GYS2: variants seen among roughly 807,000 people sequenced by gnomAD.
GYS2 encodes the protein glycogen synthase 2.
Under a neutral mutation model 85.6 loss-of-function variants are expected in GYS2, and 80 were observed. The observed-to-expected ratio is 0.93, with a 90% confidence interval of 0.78 to 1.13. GYS2 has a LOEUF of 1.13. Among genes scored for constraint, GYS2 ranks in the 50% most tolerant of loss-of-function variants. The pLI, the probability that GYS2 is intolerant of heterozygous loss-of-function variation, is 0.00. For missense variants in GYS2, 881 were observed against 854.9 expected (o/e 1.03, Z -0.38); for synonymous variants, 328 against 300.7 (o/e 1.09, Z -0.94).
At chr12:21,553,795 T>A (rs1355573704) in intron 11 of GYS2, among the ~76,000 whole-genome samples, 2 of 42,498 alleles carry the variant, frequency 4.7e-5, no homozygotes, top group Non-Finnish European at 1.0e-4. Context: ...TACACACATA[T>A]AACACACACA....
intron 1 of GYS2, among the ~76,000 whole-genome samples, chr12:21,591,333 G>A (rs1376806535): frequency 6.6e-6 from 1 of 151,938 alleles, no homozygotes; most frequent in Non-Finnish European, 1.5e-5. Flanking sequence ...TAACTGAAGA[G>A]TTTATTGAAA....
chr12:21,547,600 G>T (rs1944057214), intron 11 of GYS2, among the ~76,000 whole-genome samples: 1 of 152,176 alleles, frequency 6.6e-6, no homozygotes, highest in South Asian at 2.1e-4. Flanking sequence ...AAGATCTGTG[G>T]TTTCCAGGCG....
chr12:21,594,574 AAC>A (rs1293668320), intron 1 of GYS2, among the ~76,000 whole-genome samples: 1 of 152,202 alleles, frequency 6.6e-6, no homozygotes, highest in Admixed American at 6.5e-5. Flanking sequence ...AAAACTACAA[AAC>A]ACTGATAAAA....
intron 13 of GYS2, among the ~76,000 whole-genome samples, chr12:21,540,993 C>A (rs977499118): frequency 6.6e-5 from 10 of 152,018 alleles, no homozygotes; most frequent in Admixed American, 4.6e-4. Flanking sequence ...GAGGGAAGGC[C>A]AGGGCTTGGT....
rs1218654364 is a variant in GYS2, at chr12:21,580,455, A to G, written c.190T>C (p.Phe64Leu). 6.2e-7 allele frequency: 1 copy of G among 1,613,556 alleles called. No homozygotes were observed. The highest frequency in any genetic ancestry group is 1.1e-5 in the South Asian group (1 of 91,064). Reference sequence around the variant, plus strand: ...TGCTCAAAATATGGACCTATCAGAAAATAGTTCTCTCCCCATTCATCTGCT... The same window carrying G: ...TGCTCAAAATATGGACCTATCAGAAGATAGTTCTCTCCCCATTCATCTGCT... ...TTADEWGENYFLIGPYFEHNM... is the reference protein window; with the variant it reads ...TTADEWGENYLLIGPYFEHNM... The change falls in exon 2 of 16, where the codon TTT becomes CTT. Residue 64 changes from phenylalanine (F) to leucine (L), a missense_variant. Transcript: ENST00000261195.
At position 21,546,491 on chromosome 12, in the gene GYS2, T is replaced by C. The variant is rs73238708; in HGVS notation, c.1423-21A>G. 5,903 of 1,551,594 alleles carry C rather than the reference T, an allele frequency of 3.8e-3. 72 individuals carry two copies. Among genetic ancestry groups the C allele is most frequent in the African/African-American group, 0.038 (2,756 of 72,756 alleles). ...ATCACCTAAAAAAGGAAAATTCTAA[T>C]TTAAAAAAAAAGAAAAAGGAGCAAG... On this transcript the variant is annotated intron_variant, in intron 11 of 15. Coordinates refer to ENST00000261195, the MANE Select transcript of GYS2 (RefSeq NM_021957.4).
chr12:21,537,160 A>G lies in GYS2; in HGVS notation c.1906T>C (p.Tyr636His), dbSNP rs143798221. 3.9e-4 allele frequency: 622 copies of G among 1,613,236 alleles called. No homozygotes were observed. Among genetic ancestry groups the G allele is most frequent in the Non-Finnish European group, 5.1e-4 (599 of 1,179,354 alleles). Residue 636 changes from tyrosine to histidine, a missense_variant, in exon 16 of 16, where the codon TAT becomes CAT. Transcript: ENST00000261195. The part of the protein sequence containing the change: ...TSPPTTEGFK[Y>H]PRPSSVPPSP... ...GGTGGTACTGAGGAAGGCCTGGGATATTTAAATCCTTCTGTCTGCCAAAGA... is the reference window on the plus strand; with the variant it reads ...GGTGGTACTGAGGAAGGCCTGGGATGTTTAAATCCTTCTGTCTGCCAAAGA...
intron 5 of GYS2, among the ~76,000 whole-genome samples, chr12:21,565,343 T>C (rs1308915879): frequency 4.3e-5 from 6 of 139,466 alleles, no homozygotes; most frequent in Non-Finnish European, 9.1e-5. Flanking sequence ...AAATGCAGAG[T>C]TGGGAAGAAA....
At chr12:21,566,340 A>G (rs1360319312) in intron 5 of GYS2, among the ~76,000 whole-genome samples, 1 of 151,166 alleles carries the variant, frequency 6.6e-6, no homozygotes, top group Non-Finnish European at 1.5e-5. Context: ...TCATAGTTAC[A>G]CTATGTGATC....
At chr12:21,592,646 T>C (rs1272561386) in intron 1 of GYS2, among the ~76,000 whole-genome samples, 1 of 152,106 alleles carries the variant, frequency 6.6e-6, no homozygotes, top group East Asian at 1.9e-4. Flanking sequence ...AAGCAAATGT[T>C]ATTAGATATA....
intron 4 of GYS2, among the ~76,000 whole-genome samples, chr12:21,571,120 C>T (rs1472022382): frequency 1.3e-5 from 2 of 152,156 alleles, no homozygotes; most frequent in African/African-American, 4.8e-5. Context: ...TGAGTATGCA[C>T]AAATACAGAG....
At chr12:21,565,408 T>C (rs931434953) in intron 5 of GYS2, among the ~76,000 whole-genome samples, 8 of 119,316 alleles carry the variant, frequency 6.7e-5, no homozygotes, top group African/African-American at 3.4e-5. Context: ...TATATATATA[T>C]ATATATATAT....
chr12:21,563,313 T>C lies in GYS2; in HGVS notation c.856A>G (p.Lys286Glu), dbSNP rs763853839. 6.2e-7 allele frequency: 1 copy of C among 1,608,952 alleles called. No individual in the cohort carries two copies. Among genetic ancestry groups the C allele is most frequent in the Non-Finnish European group, 8.5e-7 (1 of 1,175,500 alleles). Residue 286 changes from lysine to glutamate, a missense_variant, in exon 6 of 16, where the codon AAA becomes GAA. Transcript: ENST00000261195. ...TGAAACTCATGCACTGCTGAAAATT[T>C]CTTAACATTCAAGCCGTTTGGAGTA... ...VVTPNGLNVK[K>E]FSAVHEFQNL... is the part of the protein sequence containing the mutation.
intron 7 of GYS2, among the ~76,000 whole-genome samples, chr12:21,561,064 A>G (rs1944247111): frequency 6.6e-6 from 1 of 152,178 alleles, no homozygotes; most frequent in African/African-American, 2.4e-5. Flanking sequence ...CCCTAAAGCA[A>G]AGAAACAAGC....
Position 21,546,326 on chromosome 12 carries a change from T to A in GYS2, c.1549+18A>T, listed in dbSNP as rs1292038765. 4 of 1,566,846 alleles carry A rather than the reference T, an allele frequency of 2.6e-6. No homozygotes were observed. In the African/African-American group the frequency reaches 4.1e-5, roughly 16 times the overall value. On this transcript the variant is annotated intron_variant, in intron 12 of 15. Transcript: ENST00000261195. The stretch of plus-strand genomic sequence containing the variant: ...TAACAAAATTCAAAACATTCCACAC[T>A]CTATACATGACACATACCTGGAGTA...
intron 1 of GYS2, among the ~76,000 whole-genome samples, chr12:21,597,356 T>G (rs10770840): frequency 0.92 from 140,638 of 152,094 alleles, 65,678 homozygotes; most frequent in East Asian, 1. Context: ...AACTCAACAG[T>G]GGAAAAACAA....
chr12:21,555,036 G>A (rs527622302), intron 11 of GYS2, among the ~76,000 whole-genome samples: 2 of 152,110 alleles, frequency 1.3e-5, no homozygotes, highest in South Asian at 2.1e-4. Flanking sequence ...TGTATTGTAC[G>A]TAACATGTGC....
intron 7 of GYS2, among the ~76,000 whole-genome samples, chr12:21,561,915 G>A (rs937782044): frequency 5.9e-5 from 9 of 152,070 alleles, no homozygotes; most frequent in African/African-American, 2.2e-4. Flanking sequence ...TTTAACTGGA[G>A]GGTAGTACAG....
At chr12:21,544,025 C>T (rs1284854232) in intron 12 of GYS2, among the ~76,000 whole-genome samples, 1 of 152,098 alleles carries the variant, frequency 6.6e-6, no homozygotes, top group Non-Finnish European at 1.5e-5. Flanking sequence ...AGTATATGTT[C>T]ATTGAATTAA....
Sources: gnomAD v4.1 joint callset for allele counts (sites outside exome capture counted in the v4.1 genomes callset) on GRCh38, gnomAD v4.1.1 for gene constraint, MANE v1.5 for transcripts, NCBI Gene and HGNC (gene_info 2026-07-23, HGNC 2026-07-21) for gene names.